Variants in PCDHGB4 observed in about 807,000 individuals in gnomAD.
PCDHGB4 encodes the protein protocadherin gamma subfamily B, 4, also known as protocadherin gamma-B4.
A neutral mutation model predicts 60.5 loss-of-function variants in PCDHGB4; 38 were observed. That is an observed-to-expected ratio of 0.63 (90% CI 0.48 to 0.82). The LOEUF is 0.82. Among genes scored for constraint, PCDHGB4 ranks in the 40% least tolerant of loss-of-function variants. PCDHGB4 has a pLI of 0.00. For synonymous variants in PCDHGB4, 456 were observed against 509.7 expected (o/e 0.89, Z 1.42); for missense variants, 1,109 against 1,209.6 (o/e 0.92, Z 1.23).
intron 1 of PCDHGB4, chr5:141,423,253 C>T (rs750278899): frequency 6.2e-7 from 1 of 1,613,916 alleles, no homozygotes; most frequent in Non-Finnish European, 8.5e-7. Flanking sequence ...CCTGGCGGAC[C>T]TCGGCAGCCT....
chr5:141,489,260 CACA>C lies in PCDHGB4; in HGVS notation c.2398-5546_2398-5544del, dbSNP rs1242559724. 1 of 1,552,022 alleles carries C rather than the reference CACA, an allele frequency of 6.4e-7. No individual in the cohort carries two copies. Among genetic ancestry groups the C allele is most frequent in the Non-Finnish European group, 8.7e-7 (1 of 1,149,038 alleles). ...TGGGTCATGGGGCCCAAGACACTCCCACAGCTCGCTGGGAAATGGCAAGTGCTG... is the reference window on the plus strand; with the variant it reads ...TGGGTCATGGGGCCCAAGACACTCCCGCTCGCTGGGAAATGGCAAGTGCTG... On this transcript the variant is annotated intron_variant, in intron 1 of 3. Coordinates refer to ENST00000519479, the MANE Select transcript of PCDHGB4 (RefSeq NM_003736.4). The surrounding 1 kb of genome is among the most constrained non-coding windows in gnomAD (Gnocchi z 4.5).
chr5:141,451,536 G>A (rs1183287437), intron 1 of PCDHGB4, among the ~76,000 whole-genome samples: 1 of 152,202 alleles, frequency 6.6e-6, no homozygotes, highest in Non-Finnish European at 1.5e-5. Context: ...GAGAGTGCCA[G>A]AGAGGGCAAA....
chr5:141,459,992 C>T (rs1327580257), intron 1 of PCDHGB4, among the ~76,000 whole-genome samples: 1 of 152,126 alleles, frequency 6.6e-6, no homozygotes, highest in Admixed American at 6.5e-5. Flanking sequence ...ACAGGAGAAT[C>T]GCTTGAACCC....
chr5:141,468,681 A>G (rs1415798588), intron 1 of PCDHGB4: 1 of 151,830 alleles, frequency 6.6e-6, no homozygotes, highest in African/African-American at 2.4e-5. Flanking sequence ...CCTGGCTAAC[A>G]CGGTGAAACC....
chr5:141,451,037 C>T (rs1293972996), intron 1 of PCDHGB4, among the ~76,000 whole-genome samples: 1 of 151,594 alleles, frequency 6.6e-6, no homozygotes, highest in Middle Eastern at 3.2e-3. Context: ...ACCATATTGG[C>T]CAGGCTGGTC....
At chr5:141,399,409 CT>C in intron 1 of PCDHGB4, 2 of 1,614,052 alleles carry the variant, frequency 1.2e-6, no homozygotes, top group South Asian at 2.2e-5. Flanking sequence ...CAAGCCGCCC[CT>C]CTCCTCCAGC....
chr5:141,418,087 C>T (rs2096220274), intron 1 of PCDHGB4: 9 of 1,613,894 alleles, frequency 5.6e-6, no homozygotes, highest in Non-Finnish European at 7.6e-6. Flanking sequence ...TGCACTTCAG[C>T]GTAGACGCGC....
intron 1 of PCDHGB4, chr5:141,395,233 G>T: frequency 6.2e-7 from 1 of 1,602,052 alleles, no homozygotes; most frequent in Non-Finnish European, 8.5e-7. Context: ...GCTGATCATG[G>T]TCAGGTGAGT....
intron 1 of PCDHGB4, among the ~76,000 whole-genome samples, chr5:141,443,008 T>C (rs2098358096): frequency 1.3e-5 from 2 of 152,220 alleles, no homozygotes; most frequent in Admixed American, 1.3e-4. Context: ...TCTAAGAATA[T>C]GACTAATGGA....
At chr5:141,496,329 C>T (rs1435070517) in intron 2 of PCDHGB4, among the ~76,000 whole-genome samples, 2 of 152,186 alleles carry the variant, frequency 1.3e-5, no homozygotes, top group South Asian at 4.1e-4. Context: ...AGTTAGAAGT[C>T]AGGAGCCTGG....
intron 1 of PCDHGB4, chr5:141,484,875 T>G: frequency 3.2e-6 from 1 of 317,108 alleles, no homozygotes; most frequent in Non-Finnish European, 5.8e-6. Context: ...GCGTGGAGGA[T>G]AGGGTGGGCT....
intron 1 of PCDHGB4, chr5:141,392,827 A>G: frequency 2.5e-6 from 4 of 1,601,944 alleles, no homozygotes; most frequent in Non-Finnish European, 3.4e-6. Flanking sequence ...GCCGCTCCAC[A>G]GAGTCGCCCC....
chr5:141,426,865 T>G (rs2096965950), intron 1 of PCDHGB4: 1 of 456,600 alleles, frequency 2.2e-6, no homozygotes, highest in African/African-American at 2.0e-5. Flanking sequence ...GAATTAGTGC[T>G]GGAGAAGCCC....
intron 2 of PCDHGB4, among the ~76,000 whole-genome samples, chr5:141,503,423 C>T (rs1018496430): frequency 6.6e-6 from 1 of 151,752 alleles, no homozygotes; most frequent in Non-Finnish European, 1.5e-5. Context: ...GGTGAAACCC[C>T]ATCTCTACTA....
intron 2 of PCDHGB4, among the ~76,000 whole-genome samples, chr5:141,497,614 A>C (rs1377740795): frequency 6.8e-6 from 1 of 146,530 alleles, no homozygotes; most frequent in African/African-American, 2.6e-5. Context: ...ATCTTGGCTC[A>C]CTGCAACCTC....
intron 1 of PCDHGB4, among the ~76,000 whole-genome samples, chr5:141,473,583 A>G (rs905824343): frequency 6.6e-6 from 1 of 152,226 alleles, no homozygotes; most frequent in Non-Finnish European, 1.5e-5. Flanking sequence ...CTAAGACCAG[A>G]CAGACCTGTA....
At position 141,431,918 on chromosome 5, in the gene PCDHGB4, C is replaced by T; in HGVS notation, c.2397+41637C>T. On this transcript the variant is annotated intron_variant, in intron 1 of 3. Transcript: ENST00000519479. This position sits in a 1 kb window ranked among gnomAD's most constrained non-coding sequence, Gnocchi z 4.8. Reference sequence around the variant, plus strand: ...AAACGGACAGGTGATCTGTTTCATCCAAGGAAATCTGCCCTTTAAATTAGA... The same window carrying T: ...AAACGGACAGGTGATCTGTTTCATCTAAGGAAATCTGCCCTTTAAATTAGA... The T allele has an allele frequency of 6.2e-7, 1 of 1,613,998 alleles. No individual in the cohort carries two copies. The highest frequency in any genetic ancestry group is 8.5e-7 in the Non-Finnish European group (1 of 1,179,862).
chr5:141,398,048 G>T, intron 1 of PCDHGB4: 2 of 1,506,604 alleles, frequency 1.3e-6, no homozygotes, highest in South Asian at 1.3e-5. Flanking sequence ...CCCGTTCGGA[G>T]ATCCAAAAAT....
rs1317699369 is a variant in PCDHGB4 at position 141,477,408 on chromosome 5, A to G, written c.2398-17399A>G. The G allele has an allele frequency of 6.2e-7, 1 of 1,614,098 alleles. No homozygotes were observed. ...TACAACCTCAGCATCACCGCCCGAG[A>G]CGCCGGAACCCCTTCCCTCTCAGCC... On this transcript the variant is annotated intron_variant, in intron 1 of 3. Transcript: ENST00000519479. This position sits in a 1 kb window ranked among gnomAD's most constrained non-coding sequence, Gnocchi z 4.9.
Sources: gnomAD v4.1 joint callset for allele counts (sites outside exome capture counted in the v4.1 genomes callset) on GRCh38, gnomAD v4.1.1 for gene constraint, Gnocchi (gnomAD v3.1) non-coding constraint, MANE v1.5 for transcripts, NCBI Gene and HGNC (gene_info 2026-07-23, HGNC 2026-07-21) for gene names.